FAM13A: variants seen among roughly 807,000 people sequenced by gnomAD.
FAM13A encodes the protein protein FAM13A.
A neutral mutation model predicts 129.6 loss-of-function variants in FAM13A; 76 were observed. The observed-to-expected ratio is 0.59, with a 90% CI of 0.49 to 0.71. FAM13A has a LOEUF of 0.71. Ranked by LOEUF, FAM13A falls within the 30% of genes least tolerant of loss-of-function variation. FAM13A has a pLI of 0.00. For missense variants in FAM13A, 1,108 were observed against 1,249.3 expected, an observed-to-expected ratio of 0.89 and a Z score of 1.70; for synonymous variants, 443 against 449.9, an observed-to-expected ratio of 0.98 and a Z score of 0.20.
chr4:88,792,006 C>T (rs184016760), intron 8 of FAM13A, among the ~76,000 whole-genome samples: 11 of 152,062 alleles, frequency 7.2e-5, no homozygotes, highest in African/African-American at 2.7e-4. Context: ...CACAGACAAA[C>T]CCAGAAAAAC....
At chr4:88,848,678 C>T (rs571973702) in intron 7 of FAM13A, among the ~76,000 whole-genome samples, 1 of 152,298 alleles carries the variant, frequency 6.6e-6, no homozygotes, top group Non-Finnish European at 1.5e-5. Context: ...TTCCTTGTTC[C>T]TTTCCTTTCC....
chr4:88,971,729 C>G (rs180753057), intron 4 of FAM13A, among the ~76,000 whole-genome samples: 193 of 152,248 alleles, frequency 1.3e-3, no homozygotes, highest in African/African-American at 4.5e-3. Context: ...AATCTGGTCT[C>G]AAGCAATCCT....
chr4:88,871,516 C>T (rs182938881), intron 6 of FAM13A, among the ~76,000 whole-genome samples: 2,119 of 152,004 alleles, frequency 0.014, 59 homozygotes, highest in African/African-American at 0.048. Context: ...CTTCAGTAGC[C>T]GATTCGATCA....
intron 5 of FAM13A, among the ~76,000 whole-genome samples, chr4:88,930,605 C>A (rs1215493587): frequency 1.3e-5 from 2 of 152,192 alleles, no homozygotes; most frequent in East Asian, 3.9e-4. Flanking sequence ...TGTTTTTAGG[C>A]CCCAGAGCAG....
chr4:88,756,708 A>G (rs1743723670), intron 14 of FAM13A, among the ~76,000 whole-genome samples: 1 of 152,122 alleles, frequency 6.6e-6, no homozygotes, highest in African/African-American at 2.4e-5. Context: ...TTTAGCTATA[A>G]AAAAAGGTGA....
chr4:88,775,469 T>C (rs1721515662), intron 11 of FAM13A, among the ~76,000 whole-genome samples: 1 of 152,104 alleles, frequency 6.6e-6, no homozygotes, highest in Non-Finnish European at 1.5e-5. Flanking sequence ...ACTGGGAGGC[T>C]GAGGTGGGAG....
chr4:88,978,350 T>A (rs1396161706), intron 4 of FAM13A, among the ~76,000 whole-genome samples: 2 of 152,202 alleles, frequency 1.3e-5, no homozygotes, highest in Non-Finnish European at 2.9e-5. Context: ...TAACTAAAGA[T>A]ACACTTTTTT....
chr4:88,976,467 A>G (rs1760913695), intron 4 of FAM13A, among the ~76,000 whole-genome samples: 1 of 152,150 alleles, frequency 6.6e-6, no homozygotes, highest in South Asian at 2.1e-4. Flanking sequence ...GAAACTGTGA[A>G]TAGTATCAAA....
chr4:88,936,423 A>G (rs1753851940), intron 5 of FAM13A: 1 of 152,262 alleles, frequency 6.6e-6, no homozygotes, highest in Non-Finnish European at 1.5e-5. Flanking sequence ...AGTGGGAGCA[A>G]GAGTGAGGGG....
intron 4 of FAM13A, among the ~76,000 whole-genome samples, chr4:88,940,289 A>T (rs1475066910): frequency 6.6e-6 from 1 of 152,194 alleles, no homozygotes; most frequent in Non-Finnish European, 1.5e-5. Context: ...CTCAGAGGGA[A>T]ATGAGGAATA....
chr4:89,054,670 T>C lies in FAM13A; in HGVS notation c.27+2268A>G, dbSNP rs538507731. On this transcript the variant is annotated intron_variant, in intron 1 of 23. Coordinates refer to ENST00000264344, the MANE Select transcript of FAM13A (RefSeq NM_014883.4). Reference sequence around the variant, plus strand: ...AAATGCAATTGTCTTAAGATCTACTTCCTGAGAATCTCATCAAATAACCAT... The same window carrying C: ...AAATGCAATTGTCTTAAGATCTACTCCCTGAGAATCTCATCAAATAACCAT... Among the ~76,000 whole-genome samples, 4 of 152,226 alleles carry C rather than the reference T, an allele frequency of 2.6e-5. No individual in the cohort carries two copies. In the South Asian group the frequency reaches 8.3e-4, roughly 32 times the overall value.
chr4:88,866,200 C>T (rs1740408421), intron 6 of FAM13A, among the ~76,000 whole-genome samples: 1 of 152,116 alleles, frequency 6.6e-6, no homozygotes, highest in Non-Finnish European at 1.5e-5. Flanking sequence ...GCGCCTGCCA[C>T]CATGGCCCAG....
chr4:88,969,239 A>G (rs1759752968), intron 4 of FAM13A, among the ~76,000 whole-genome samples: 2 of 152,216 alleles, frequency 1.3e-5, no homozygotes, highest in African/African-American at 4.8e-5. Flanking sequence ...CTCCAGGATA[A>G]TTTTCATAAT....
In FAM13A at chr4:88,968,092, A is replaced by G. The variant is rs564709352; in HGVS notation, c.605+22881T>C. 5.3e-5 allele frequency among the ~76,000 whole-genome samples: 8 copies of G among 152,330 alleles called. No homozygotes were observed. The East Asian group carries it at 1.5e-3, about 29-fold the overall frequency. On this transcript the variant is annotated intron_variant, in intron 4 of 23. Coordinates refer to ENST00000264344, the MANE Select transcript of FAM13A (RefSeq NM_014883.4). Reference sequence around the variant, plus strand: ...AGAAAGGTTTGTTGACTAAATGTGGAAGATTGGTAAGCCTCTGGGTACAAT... The same window carrying G: ...AGAAAGGTTTGTTGACTAAATGTGGGAGATTGGTAAGCCTCTGGGTACAAT...
intron 1 of FAM13A, among the ~76,000 whole-genome samples, chr4:89,032,496 C>T (rs770178845): frequency 7.2e-5 from 11 of 152,116 alleles, no homozygotes; most frequent in African/African-American, 1.7e-4. Context: ...CTTACACTAT[C>T]GCCTTAGTAG....
intron 7 of FAM13A, among the ~76,000 whole-genome samples, chr4:88,805,693 T>C (rs938490062): frequency 6.6e-6 from 1 of 151,554 alleles, no homozygotes; most frequent in East Asian, 1.9e-4. Context: ...TTAAGAGACA[T>C]GGTCTCACTC....
chr4:88,745,867 T>TA (rs200239573), intron 19 of FAM13A, among the ~76,000 whole-genome samples: 2 of 151,526 alleles, frequency 1.3e-5, no homozygotes, highest in Non-Finnish European at 2.9e-5. Flanking sequence ...TTTTTTTTTT[T>TA]ACATTTAAAC....
chr4:88,976,733 CAG>C (rs1760969810), intron 4 of FAM13A, among the ~76,000 whole-genome samples: 1 of 34,644 alleles, frequency 2.9e-5, no homozygotes, highest in Non-Finnish European at 6.2e-5. Context: ...CTGACTCACA[CAG>C]AGCAATTTCC....
At chr4:88,902,338 C>G (rs928010853) in intron 6 of FAM13A, among the ~76,000 whole-genome samples, 1 of 152,118 alleles carries the variant, frequency 6.6e-6, no homozygotes, top group Non-Finnish European at 1.5e-5. Context: ...CCCTGATGAA[C>G]ATTGATGCAA....
Sources: allele counts gnomAD v4.1 joint callset (sites outside exome capture counted in the v4.1 genomes callset), GRCh38; gene constraint gnomAD v4.1.1; transcripts MANE v1.5; gene names NCBI Gene and HGNC (gene_info 2026-07-23, HGNC 2026-07-21).